Variants in KLC1 observed in about 807,000 individuals in gnomAD.
KLC1 encodes kinesin 2 60/70kDa.
KLC1 carries 30 observed loss-of-function variants against 84.2 expected under a neutral mutation model. The ratio of observed to expected loss-of-function variants is 0.36; its 90% CI spans 0.27 to 0.48. The LOEUF (loss-of-function observed/expected upper bound fraction) is 0.48, where lower values mean the gene tolerates loss of function less well. Ranked by LOEUF, KLC1 falls within the 20% of genes least tolerant of loss-of-function variation. The probability of loss-of-function intolerance (pLI) is 0.99; values close to 1 mark genes in which losing one functional copy is unlikely to be tolerated. For missense variants in KLC1, 499 were observed against 805.4 expected (o/e 0.62, Z 4.60); for synonymous variants, 289 against 293.3 (o/e 0.99, Z 0.15).
In KLC1 at chr14:103,674,271, G is replaced by A. The variant is rs78838187; in HGVS notation, c.1261+840G>A. 9.5e-3 allele frequency among the ~76,000 whole-genome samples: 1,440 copies of A among 152,182 alleles called. 6 individuals carry two copies. Among genetic ancestry groups the A allele is most frequent in the Middle Eastern group, 0.034 (10 of 294 alleles). On this transcript the variant is annotated intron_variant, in intron 9 of 16. Coordinates refer to ENST00000334553, the MANE Select transcript of KLC1 (RefSeq NM_001394837.1). ...TATTTTCTTTACATTTTTAGTGTGA[G>A]TACCTTTCAGTCATAAAAATATTTT...
intron 15 of KLC1, chr14:103,697,196 AC>A: frequency 1.1e-6 from 1 of 883,716 alleles, no homozygotes; most frequent in Non-Finnish European, 1.4e-6. Context: ...TAAAAATCCA[AC>A]CCCAAAATAA....
intron 9 of KLC1, among the ~76,000 whole-genome samples, chr14:103,674,558 G>A (rs1463338663): frequency 6.6e-6 from 1 of 151,860 alleles, no homozygotes; most frequent in Admixed American, 6.6e-5. Context: ...GGGATTACAG[G>A]CACACACCAC....
chr14:103,686,895 A>G (rs1297857264), intron 13 of KLC1, 186 bp from the exon 14 acceptor site: 2 of 289,748 alleles, frequency 6.9e-6, no homozygotes, highest in Non-Finnish European at 1.3e-5. Context: ...GAAACTTAAA[A>G]AGAACAATTT....
intron 1 of KLC1, among the ~76,000 whole-genome samples, chr14:103,632,454 T>A (rs1437326028): frequency 6.7e-6 from 1 of 148,582 alleles, no homozygotes; most frequent in Non-Finnish European, 1.5e-5. Flanking sequence ...AGTGGCTCAC[T>A]CCTGTAATCC....
At chr14:103,629,524 G>C (rs897619481) in intron 1 of KLC1, 30 bp downstream of exon 1, 6 of 152,444 alleles carry the variant, frequency 3.9e-5, no homozygotes, top group African/African-American at 1.4e-4. Flanking sequence ...CCCGGACCGC[G>C]GCCCCCTCCT....
rs956121744 is a variant in KLC1, at chr14:103,685,646, G to A, written c.1651-1435G>A. 1.6e-5 allele frequency: 21 copies of A among 1,289,260 alleles called. No individual in the cohort carries two copies. The African/African-American group carries it at 2.9e-4, about 18-fold the overall frequency. The allele number at this position is 1,289,260 out of a possible 1,614,324, so 79.9% of individuals were successfully genotyped here. A position where few individuals can be genotyped will look rare whatever the true frequency, so the allele number is the denominator to read the frequency against. On this transcript the variant is annotated intron_variant, in intron 13 of 16. Coordinates refer to ENST00000334553, the MANE Select transcript of KLC1 (RefSeq NM_001394837.1). ...TCCTTTCTGTCTGACAGGCCTAGCC[G>A]CCCGTGACTCTCACACTGTCTCCTG... is the stretch of plus-strand genomic sequence containing the variant.
At chr14:103,654,403 CAG>C (rs1272085238) in intron 1 of KLC1, among the ~76,000 whole-genome samples, 159 bp from the exon 2 acceptor site, 1 of 152,176 alleles carries the variant, frequency 6.6e-6, no homozygotes, top group African/African-American at 2.4e-5. Flanking sequence ...AAAGGAAAAA[CAG>C]AAACTGCAGA....
intron 1 of KLC1, among the ~76,000 whole-genome samples, chr14:103,645,234 A>G (rs539651849): frequency 1.3e-5 from 2 of 151,710 alleles, no homozygotes; most frequent in African/African-American, 4.8e-5. Context: ...CGGCCTCCCA[A>G]AGTGCTGGGA....
At chr14:103,652,781 G>A (rs954713105) in intron 1 of KLC1, among the ~76,000 whole-genome samples, 7 of 152,170 alleles carry the variant, frequency 4.6e-5, no homozygotes, top group Non-Finnish European at 8.8e-5. Context: ...ATGAGCCACC[G>A]TGCCCGGTCG....
At chr14:103,638,023 G>T (rs764125721) in intron 1 of KLC1, among the ~76,000 whole-genome samples, 1 of 152,018 alleles carries the variant, frequency 6.6e-6, no homozygotes, top group Non-Finnish European at 1.5e-5. Context: ...TGAATATGAC[G>T]TGGACTGTTC....
rs149373647 is a variant in KLC1 at position 103,677,396 on chromosome 14, G to A, written c.1380-19G>A. On this transcript the variant is annotated intron_variant, in intron 11 of 16. Transcript: ENST00000334553. ...GAGCTTATATGTCATAGTTCTGTAT[G>A]TCATGTGCTTTCTTACAGTCCAACT... The A allele has an allele frequency of 4.1e-6, 6 of 1,448,108 alleles. No individual in the cohort carries two copies. The African/African-American group carries it at 8.4e-5, about 20-fold the overall frequency. The allele number at this position is 1,448,108 out of a possible 1,614,324, so 89.7% of individuals were successfully genotyped here. A position where few individuals can be genotyped will look rare whatever the true frequency, so the allele number is the denominator to read the frequency against.
intron 3 of KLC1, among the ~76,000 whole-genome samples, chr14:103,659,711 A>C (rs890500222): frequency 9.9e-5 from 15 of 152,138 alleles, no homozygotes; most frequent in Non-Finnish European, 1.5e-4. Context: ...AAGACTACTG[A>C]AACAGTTTTT....
Position 103,693,834 on chromosome 14 carries a change from C to A in KLC1, c.1848+1409C>A. 3 of 1,385,744 alleles carry A rather than the reference C, an allele frequency of 2.2e-6. No homozygotes were observed. The South Asian group carries it at 5.0e-5, about 23-fold the overall frequency. The allele number at this position is 1,385,744 out of a possible 1,614,324, so 85.8% of individuals were successfully genotyped here. A position where few individuals can be genotyped will look rare whatever the true frequency, so the allele number is the denominator to read the frequency against. On this transcript the variant is annotated intron_variant, in intron 15 of 16. Coordinates refer to ENST00000334553, the MANE Select transcript of KLC1 (RefSeq NM_001394837.1). This position sits in a 1 kb window ranked among gnomAD's most constrained non-coding sequence, Gnocchi z 5.1. The stretch of plus-strand genomic sequence containing the variant: ...CTGCAGCCCCAGTGCCAGGAGCCAC[C>A]CCGACCGCGACCCGGCCAGGCTGGC...
In KLC1 at chr14:103,694,316, A is replaced by G. The variant is rs1189457363; in HGVS notation, c.1848+1891A>G. The G allele has an allele frequency of 5.1e-5, 48 of 946,686 alleles. No homozygotes were observed. The highest frequency in any genetic ancestry group is 9.0e-5 in the African/African-American group (5 of 55,352). The allele number at this position is 946,686 out of a possible 1,614,324, so 58.6% of individuals were successfully genotyped here. ...GCCCAGGCTGGAGCGCAGTGGCCCA[A>G]TCTCGGCCCACTGCAAGCTCCACCT... On this transcript the variant is annotated intron_variant, in intron 15 of 16. Coordinates refer to ENST00000334553, the MANE Select transcript of KLC1 (RefSeq NM_001394837.1). The surrounding 1 kb of genome is among the most constrained non-coding windows in gnomAD (Gnocchi z 4.5).
intron 15 of KLC1, among the ~76,000 whole-genome samples, chr14:103,699,754 C>T (rs1286054184): frequency 6.6e-6 from 1 of 152,142 alleles, no homozygotes; most frequent in Non-Finnish European, 1.5e-5. Flanking sequence ...CTCAAAGAGG[C>T]CCCAACTATA....
At chr14:103,692,166 G>C (rs577332513) in intron 14 of KLC1, among the ~76,000 whole-genome samples, 193 bp from the exon 15 acceptor site, 1 of 152,316 alleles carries the variant, frequency 6.6e-6, no homozygotes, top group Non-Finnish European at 1.5e-5. Context: ...ATGCAGAGAA[G>C]CTGTGGTCTT....
At chr14:103,634,338 A>G (rs2076898237) in intron 1 of KLC1, among the ~76,000 whole-genome samples, 1 of 152,186 alleles carries the variant, frequency 6.6e-6, no homozygotes, top group South Asian at 2.1e-4. Flanking sequence ...AATGATCCTC[A>G]TCTCTAATTT....
chr14:103,644,097 C>T (rs1000960609), intron 1 of KLC1, among the ~76,000 whole-genome samples: 1 of 150,846 alleles, frequency 6.6e-6, no homozygotes, highest in African/African-American at 2.4e-5. Flanking sequence ...CGCCTGTGGT[C>T]TCAGCTACCA....
intron 14 of KLC1, chr14:103,687,431 C>T (rs12436795): frequency 0.23 from 50,936 of 218,504 alleles, 6,473 homozygotes; most frequent in East Asian, 0.51. Flanking sequence ...AGGGCGAATA[C>T]CTTTAAAAGA....
Sources: allele counts gnomAD v4.1 joint callset (sites outside exome capture counted in the v4.1 genomes callset), GRCh38; gene constraint gnomAD v4.1.1; non-coding constraint Gnocchi (gnomAD v3.1); transcripts MANE v1.5; gene names NCBI Gene and HGNC (gene_info 2026-07-23, HGNC 2026-07-21).